Variants in SGCD observed in about 807,000 individuals in gnomAD.
The protein encoded by SGCD is delta-sarcoglycan.
SGCD carries 18 observed loss-of-function variants against 36.6 expected under a neutral mutation model. The observed-to-expected ratio is 0.49, with a 90% CI of 0.34 to 0.73. The LOEUF (loss-of-function observed/expected upper bound fraction) is 0.73, where lower values mean the gene tolerates loss of function less well. Among genes scored for constraint, SGCD ranks in the 30% least tolerant of loss-of-function variants. The pLI, the probability that SGCD is intolerant of heterozygous loss-of-function variation, is 0.01. For synonymous variants in SGCD, 133 were observed against 130.6 expected (o/e 1.02, Z -0.12); for missense variants, 387 against 346.7 (o/e 1.12, Z -0.92).
At chr5:155,845,811 A>G in the SGCD span, among the ~76,000 whole-genome samples, 1 of 152,156 alleles carries the variant, frequency 6.6e-6, no homozygotes, top group African/African-American at 2.4e-5. Flanking sequence ...CCTGTTTTTT[A>G]TGCCAACCTA....
intron 3 of SGCD, among the ~76,000 whole-genome samples, chr5:156,381,803 G>A (rs1483086598): frequency 6.6e-6 from 1 of 152,010 alleles, no homozygotes; most frequent in African/African-American, 2.4e-5. Flanking sequence ...TCAAAGCTGG[G>A]GTTCAGCTCC....
At chr5:156,156,127 C>T (rs10056444) in intron 3 of SGCD, among the ~76,000 whole-genome samples, 2,629 of 151,658 alleles carry the variant, frequency 0.017, 175 homozygotes, top group African/African-American at 0.061. Flanking sequence ...GAATCATAAG[C>T]CTCTCAGAAC....
rs1201998271 is a variant in SGCD, at chr5:155,878,434, G to GT, written c.-282+8020dup. ...ACCAATTAGAAAATGGGGACATCCA[G>GT]TTTTTTTTTTCCTTTATTTAGAATG... On this transcript the variant is annotated intron_variant, in intron 1 of 9. Transcript: ENST00000517913. 2.6e-3 allele frequency among the ~76,000 whole-genome samples: 389 copies of GT among 148,984 alleles called. 1 individual carries two copies. The highest frequency in any genetic ancestry group is 7.2e-3 in the African/African-American group (296 of 40,834).
intron 3 of SGCD, among the ~76,000 whole-genome samples, chr5:156,401,456 A>G (rs1329649568): frequency 6.6e-6 from 1 of 152,218 alleles, no homozygotes. Context: ...CAAAGCCATG[A>G]AGGGCCCTAA....
chr5:156,758,456 C>T (rs1359693131), intron 8 of SGCD, among the ~76,000 whole-genome samples: 1 of 151,844 alleles, frequency 6.6e-6, no homozygotes, highest in Admixed American at 6.6e-5. Context: ...TCAGTCTCTA[C>T]CTGCTTCTAT....
chr5:156,030,015 T>A (rs187305837), intron 1 of SGCD, among the ~76,000 whole-genome samples: 15 of 152,270 alleles, frequency 9.9e-5, no homozygotes, highest in Non-Finnish European at 2.1e-4. Flanking sequence ...GAATGGACCA[T>A]GTCACATAAT....
At chr5:156,095,964 T>C (rs1396966416) in intron 1 of SGCD, among the ~76,000 whole-genome samples, 1 of 152,200 alleles carries the variant, frequency 6.6e-6, no homozygotes, top group Non-Finnish European at 1.5e-5. Context: ...GCAGTCCAGC[T>C]GACATTCTGA....
chr5:155,795,219 T>C, the SGCD span, among the ~76,000 whole-genome samples: 1 of 152,094 alleles, frequency 6.6e-6, no homozygotes, highest in Non-Finnish European at 1.5e-5. Context: ...GATGCAGGAA[T>C]AAATAGAATG....
At chr5:155,849,446 G>GCA in the SGCD span, among the ~76,000 whole-genome samples, 3,878 of 149,908 alleles carry the variant, frequency 0.026, 87 homozygotes, top group East Asian at 0.13. Flanking sequence ...ATGTGCGCGC[G>GCA]CACACACACA....
intron 1 of SGCD, among the ~76,000 whole-genome samples, chr5:155,876,148 A>G (rs1755763666): frequency 6.7e-6 from 1 of 148,836 alleles, no homozygotes; most frequent in Non-Finnish European, 1.5e-5. Context: ...CGCTGCACCC[A>G]CTAACTCATC....
chr5:156,202,957 G>C (rs1764187242), intron 3 of SGCD, among the ~76,000 whole-genome samples: 1 of 152,010 alleles, frequency 6.6e-6, no homozygotes, highest in Non-Finnish European at 1.5e-5. Flanking sequence ...AAGCAAGTTT[G>C]AGAAATACAG....
At chr5:155,809,973 T>G in the SGCD span, among the ~76,000 whole-genome samples, 1 of 152,200 alleles carries the variant, frequency 6.6e-6, no homozygotes, top group African/African-American at 2.4e-5. Context: ...TGAACCTCTT[T>G]TATTAATGCT....
At chr5:156,326,486 G>T (rs1767818629), upstream of SGCD, among the ~76,000 whole-genome samples, 1 of 152,162 alleles carries the variant, frequency 6.6e-6, no homozygotes, top group African/African-American at 2.4e-5. Context: ...TTTAGTTGCT[G>T]CAGCAAAAAA....
intron 7 of SGCD, among the ~76,000 whole-genome samples, chr5:156,726,173 C>T (rs1265540421): frequency 1.3e-5 from 2 of 152,118 alleles, no homozygotes; most frequent in African/African-American, 4.8e-5. Flanking sequence ...GAACTATTTG[C>T]ATCTTGTTTT....
intron 1 of SGCD, among the ~76,000 whole-genome samples, chr5:156,034,129 C>T (rs1367874687): frequency 2.6e-5 from 4 of 152,156 alleles, no homozygotes; most frequent in African/African-American, 9.7e-5. Flanking sequence ...CTTTTTGTCT[C>T]CTGCAAAAGA....
intron 1 of SGCD, among the ~76,000 whole-genome samples, chr5:156,014,466 A>G (rs529405065): frequency 6.6e-6 from 1 of 152,298 alleles, no homozygotes; most frequent in Non-Finnish European, 1.5e-5. Flanking sequence ...GGAGAAAATT[A>G]CCAGATTAAT....
At chr5:156,595,549 G>A (rs1172100385) in intron 6 of SGCD, among the ~76,000 whole-genome samples, 1 of 152,144 alleles carries the variant, frequency 6.6e-6, no homozygotes, top group East Asian at 1.9e-4. Flanking sequence ...CCCTGAGTCT[G>A]GTCCCCTAGT....
chr5:156,311,116 T>C lies in SGCD; in HGVS notation c.-43-18418T>C, dbSNP rs148098752. Among the ~76,000 whole-genome samples, 47 of 152,326 alleles carry C rather than the reference T, an allele frequency of 3.1e-4. No individual in the cohort carries two copies. The East Asian group carries it at 8.9e-3, about 29-fold the overall frequency. ...TGGATGAAATTCAAGATGAAAAAAA[T>C]GTTTTGTATAAAGTGGTTTTTACCA... is the stretch of plus-strand genomic sequence containing the variant. On this transcript the variant is annotated intron_variant, in intron 3 of 9. Transcript: ENST00000517913.
intron 3 of SGCD, among the ~76,000 whole-genome samples, chr5:156,149,407 G>A (rs1450793531): frequency 6.6e-6 from 1 of 152,182 alleles, no homozygotes; most frequent in East Asian, 1.9e-4. Flanking sequence ...CTGATAAGCA[G>A]ACTGAATCAT....
Sources: gnomAD v4.1 joint callset for allele counts (sites outside exome capture counted in the v4.1 genomes callset) on GRCh38, gnomAD v4.1.1 for gene constraint, MANE v1.5 for transcripts, NCBI Gene and HGNC (gene_info 2026-07-23, HGNC 2026-07-21) for gene names.